Variants in SYNE3 observed in about 807,000 individuals in gnomAD.
The protein encoded by SYNE3 is spectrin repeat containing nuclear envelope family member 3.
A neutral mutation model predicts 111.2 loss-of-function variants in SYNE3; 100 were observed. That is an observed-to-expected ratio of 0.90 (90% confidence interval 0.77 to 1.06). SYNE3 has a LOEUF of 1.06. Among genes scored for constraint, SYNE3 ranks in the 50% least tolerant of loss-of-function variants. The probability of loss-of-function intolerance (pLI) is 0.00; values close to 1 mark genes in which losing one functional copy is unlikely to be tolerated. For missense variants in SYNE3, 1,160 were observed against 1,240.3 expected (o/e 0.94, Z 0.97); for synonymous variants, 547 against 533.9 (o/e 1.02, Z -0.34).
intron 1 of SYNE3, among the ~76,000 whole-genome samples, chr14:95,502,118 G>A (rs565552986): frequency 6.6e-6 from 1 of 152,208 alleles, no homozygotes; most frequent in South Asian, 2.1e-4. Flanking sequence ...ATCCTGATTT[G>A]ACGCACACCA....
Position 95,475,758 on chromosome 14 carries a change from C to G in SYNE3, c.64G>C (p.Ala22Pro), listed in dbSNP as rs761451124. The G allele has an allele frequency of 6.2e-7, 1 of 1,606,976 alleles. No homozygotes were observed. The highest frequency in any genetic ancestry group is 8.5e-7 in the Non-Finnish European group (1 of 1,177,122). The change falls in exon 2 of 18, where the codon GCT becomes CCT. Residue 22 changes from alanine to proline, a missense_variant. Physicochemically the swap from Ala to Pro is conservative, Grantham distance 27. Coordinates refer to ENST00000682763, the MANE Select transcript of SYNE3 (RefSeq NM_152592.6). ...TTGACCTGCAGCTGGTCCTGCACAG[C>G]CTTCATCCATGCCTGGGCATCCTCC... Reference protein sequence around the residue: ...SVEDAQAWMKAVQDQLQVNDN... With the variant: ...SVEDAQAWMKPVQDQLQVNDN...
chr14:95,409,164 G>T lies in SYNE3; in HGVS notation c.*8662C>A, dbSNP rs1425198955. On this transcript the variant is annotated 3_prime_UTR_variant, in exon 18 of 18. Transcript: ENST00000682763. ...AACATTCCATAGAGTGGAGCACTGG[G>T]CTCGGAGCCAGTCATGCCTGGGTAC... 1 of 456,640 alleles carries T rather than the reference G, an allele frequency of 2.2e-6. No individual in the cohort carries two copies. Among genetic ancestry groups the T allele is most frequent in the East Asian group, 6.9e-5 (1 of 14,396 alleles). 28.3% of individuals were successfully genotyped at this position (456,640 alleles called of 1,614,324 possible). A position where few individuals can be genotyped will look rare whatever the true frequency, so the allele number is the denominator to read the frequency against.
rs1022234023 is a variant in SYNE3 at position 95,411,112 on chromosome 14, G to A, written c.*6714C>T. ...CAAAGTTGGAACAAGACAGTCTATG[G>A]AAGCCCTCCAACTCTGACAGCCTGA... On this transcript the variant is annotated 3_prime_UTR_variant, in exon 18 of 18. Transcript: ENST00000682763. 6.6e-6 allele frequency: 1 copy of A among 152,128 alleles called. No homozygotes were observed. Among genetic ancestry groups the A allele is most frequent in the Non-Finnish European group, 1.5e-5 (1 of 68,050 alleles). 9.4% of individuals were successfully genotyped at this position (152,128 alleles called of 1,614,324 possible). A position where few individuals can be genotyped will look rare whatever the true frequency, so the allele number is the denominator to read the frequency against.
At position 95,450,101 on chromosome 14, in the gene SYNE3, T is replaced by G; in HGVS notation, c.1279A>C (p.Lys427Gln). Residue 427 changes from lysine (K) to glutamine (Q), a missense_variant, in exon 8 of 18, where the codon AAG becomes CAG. Lys to Gln is a moderately conservative substitution (Grantham distance 53). Transcript: ENST00000682763. Reference protein sequence around the residue: ...IATIQEYQSLKVKSARLRNAA... With the variant: ...IATIQEYQSLQVKSARLRNAA... The stretch of plus-strand genomic sequence containing the variant: ...TTGCGCAGCCTCGCGCTCTTCACCT[T>G]CAGGCTGCAAGGAGCGTGGAGGGAG... The G allele has an allele frequency of 6.3e-7, 1 of 1,575,150 alleles. No individual in the cohort carries two copies. Among genetic ancestry groups the G allele is most frequent in the Non-Finnish European group, 8.6e-7 (1 of 1,159,782 alleles).
chr14:95,429,133 C>G (rs148438813), intron 17 of SYNE3, among the ~76,000 whole-genome samples: 1 of 152,326 alleles, frequency 6.6e-6, no homozygotes, highest in African/African-American at 2.4e-5. Flanking sequence ...CACACCAAAG[C>G]TAAAGGAGGA....
intron 1 of SYNE3, among the ~76,000 whole-genome samples, chr14:95,481,985 C>G (rs978165881): frequency 1.3e-5 from 2 of 152,228 alleles, no homozygotes; most frequent in African/African-American, 4.8e-5. Flanking sequence ...CCAGACCTCT[C>G]TCCCTCCCTT....
Position 95,408,333 on chromosome 14 carries a change from A to C in SYNE3, c.*9493T>G. The C allele has an allele frequency of 6.6e-6, 1 of 152,088 alleles. No individual in the cohort carries two copies. Among genetic ancestry groups the C allele is most frequent in the East Asian group, 1.9e-4 (1 of 5,194 alleles). The allele number at this position is 152,088 out of a possible 1,614,324, so 9.4% of individuals were successfully genotyped here. A position where few individuals can be genotyped will look rare whatever the true frequency, so the allele number is the denominator to read the frequency against. ...TTTCCCAACACACACACACAGAAAG[A>C]GAGAGAGAAAGGAGAAAATTTAGGA... On this transcript the variant is annotated 3_prime_UTR_variant, in exon 18 of 18. Transcript: ENST00000682763.
rs141800370 is a variant in SYNE3 at position 95,475,713 on chromosome 14, G to A, written c.109C>T (p.Arg37Cys). The A allele has an allele frequency of 1.5e-5, 24 of 1,599,710 alleles. No homozygotes were observed. Among genetic ancestry groups the A allele is most frequent in the African/African-American group, 4.0e-5 (3 of 74,440 alleles). Residue 37 changes from arginine to cysteine, a missense_variant, in exon 2 of 18, where the codon CGC becomes TGC. Coordinates refer to ENST00000682763, the MANE Select transcript of SYNE3 (RefSeq NM_152592.6). ...CACAGCCTGGCCTCCAGGGCCGCGCGGGGTCCCTGCGTGTTGTCATTGACC... is the reference window on the plus strand; with the variant it reads ...CACAGCCTGGCCTCCAGGGCCGCGCAGGGTCCCTGCGTGTTGTCATTGACC... The part of the protein sequence containing the change: ...LQVNDNTQGP[R>C]AALEARLWET...
chr14:95,466,418 C>T (rs754863419), intron 3 of SYNE3, among the ~76,000 whole-genome samples, 178 bp from the exon 4 acceptor site: 11 of 152,196 alleles, frequency 7.2e-5, no homozygotes, highest in Admixed American at 1.3e-4. Context: ...TCTAGACCCT[C>T]CCTCAGTCCT....
chr14:95,460,473 A>G (rs1887732366), intron 4 of SYNE3, among the ~76,000 whole-genome samples: 1 of 149,658 alleles, frequency 6.7e-6, no homozygotes, highest in East Asian at 2.0e-4. Context: ...CACCTGCCTC[A>G]GCATCTCAAA....
intron 17 of SYNE3, among the ~76,000 whole-genome samples, chr14:95,422,272 C>G (rs568571894): frequency 1.3e-5 from 2 of 152,156 alleles, no homozygotes; most frequent in Admixed American, 6.5e-5. Flanking sequence ...AACTCACTAA[C>G]TCAGGACCAA....
chr14:95,467,314 T>C (rs1888249591), intron 3 of SYNE3, among the ~76,000 whole-genome samples: 1 of 152,192 alleles, frequency 6.6e-6, no homozygotes, highest in Admixed American at 6.5e-5. Flanking sequence ...ATTACTCCCA[T>C]TGTCCAGAGA....
chr14:95,512,580 C>T (rs1332464066), intron 1 of SYNE3, among the ~76,000 whole-genome samples: 5 of 147,870 alleles, frequency 3.4e-5, no homozygotes, highest in Admixed American at 6.8e-5. Flanking sequence ...AGGCTGGGCA[C>T]GGTGGCTCAT....
chr14:95,513,197 A>T (rs971539486), intron 1 of SYNE3, among the ~76,000 whole-genome samples: 1 of 152,182 alleles, frequency 6.6e-6, no homozygotes, highest in African/African-American at 2.4e-5. Context: ...CACGCGTGGT[A>T]ATGCTTGGCT....
At chr14:95,443,399 C>A in intron 10 of SYNE3, 110 bp from the exon 11 acceptor site, 2 of 1,400,200 alleles carry the variant, frequency 1.4e-6, no homozygotes, top group East Asian at 2.5e-5. Context: ...GGTGAATTCC[C>A]CAAGGCGGTG....
chr14:95,465,811 A>G, intron 4 of SYNE3, 120 bp downstream of exon 4: 1 of 1,109,830 alleles, frequency 9.0e-7, no homozygotes, highest in Non-Finnish European at 1.2e-6. Flanking sequence ...TGATAGTAGA[A>G]AGATAGATTG....
intron 15 of SYNE3, 112 bp downstream of exon 15, chr14:95,436,708 G>A (rs1343269222): frequency 1.6e-6 from 2 of 1,282,444 alleles, no homozygotes; most frequent in Admixed American, 2.2e-5. Flanking sequence ...ATACACAAGG[G>A]AGAACAGCTC....
In SYNE3 at chr14:95,444,630, T is replaced by G. The variant is rs1416652034; in HGVS notation, c.1633-2A>C. The G allele has an allele frequency of 7.6e-6, 12 of 1,583,320 alleles. No homozygotes were observed. In the Admixed American group the frequency reaches 1.9e-4, roughly 25 times the overall value. ...GTCTTTGTGCTGAGCGAGCAGGCTCTGCAGAGACACAGGACAGTGTGCACA... is the reference window on the plus strand; with the variant it reads ...GTCTTTGTGCTGAGCGAGCAGGCTCGGCAGAGACACAGGACAGTGTGCACA... On this transcript the variant is annotated splice_acceptor_variant, in intron 9 of 17. Coordinates refer to ENST00000682763, the MANE Select transcript of SYNE3 (RefSeq NM_152592.6). LOFTEE classifies it high-confidence loss of function.
intron 4 of SYNE3, among the ~76,000 whole-genome samples, chr14:95,461,386 G>A (rs774250679): frequency 5.9e-5 from 9 of 152,098 alleles, no homozygotes; most frequent in Non-Finnish European, 8.8e-5. Context: ...GCCCCTCCCC[G>A]CAGCCAGCCT....
Sources: gnomAD v4.1 joint callset for allele counts (sites outside exome capture counted in the v4.1 genomes callset) on GRCh38, gnomAD v4.1.1 for gene constraint, MANE v1.5 for transcripts, NCBI Gene and HGNC (gene_info 2026-07-23, HGNC 2026-07-21) for gene names.